Variants in LZTS1 observed in about 807,000 individuals in gnomAD.
LZTS1 encodes the protein leucine zipper putative tumor suppressor 1.
A neutral mutation model predicts 45.8 loss-of-function variants in LZTS1; 31 were observed. The observed-to-expected ratio is 0.68, with a 90% CI of 0.51 to 0.91. The LOEUF is 0.91. Ranked by LOEUF, LZTS1 falls within the 40% of genes least tolerant of loss-of-function variation. The probability of loss-of-function intolerance (pLI) is 0.00; values close to 1 mark genes in which losing one functional copy is unlikely to be tolerated. For missense variants in LZTS1, 821 were observed against 788.9 expected (o/e 1.04, Z -0.49); for synonymous variants, 359 against 357.3 (o/e 1.00, Z -0.05).
chr8:20,256,727 G>A (rs1014461045), intron 1 of LZTS1, among the ~76,000 whole-genome samples: 28 of 152,212 alleles, frequency 1.8e-4, no homozygotes, highest in South Asian at 1.5e-3. Context: ...GCCAAAGAGA[G>A]GAGTTTGGTT....
chr8:20,302,233 G>C (rs531218457), intron 1 of LZTS1, among the ~76,000 whole-genome samples: 9 of 152,232 alleles, frequency 5.9e-5, no homozygotes, highest in African/African-American at 2.2e-4. Context: ...TGAGCAGAAA[G>C]AGCCTCCAAA....
intron 1 of LZTS1, among the ~76,000 whole-genome samples, chr8:20,255,685 A>C (rs1230544860): frequency 2.0e-5 from 3 of 152,160 alleles, no homozygotes; most frequent in African/African-American, 7.2e-5. Flanking sequence ...TGCGGGGGAA[A>C]CTGGAGCAGA....
intron 1 of LZTS1, among the ~76,000 whole-genome samples, chr8:20,271,770 GCT>G (rs1800478988): frequency 6.6e-6 from 1 of 152,218 alleles, no homozygotes; most frequent in Middle Eastern, 3.2e-3. Flanking sequence ...CCAGTCCTAT[GCT>G]CTGTTAAGAA....
intron 1 of LZTS1, among the ~76,000 whole-genome samples, chr8:20,290,930 T>C (rs939581913): frequency 1.1e-4 from 17 of 152,172 alleles, no homozygotes; most frequent in Non-Finnish European, 1.9e-4. Context: ...GGGCTTGAGA[T>C]GGTATTGTGG....
intron 1 of LZTS1, among the ~76,000 whole-genome samples, chr8:20,255,661 G>A (rs927149780): frequency 1.1e-4 from 16 of 151,854 alleles, no homozygotes; most frequent in African/African-American, 3.9e-4. Context: ...TACCAGTGCT[G>A]CGGGTACCAG....
At chr8:20,300,587 C>A (rs990783092) in intron 1 of LZTS1, among the ~76,000 whole-genome samples, 1 of 152,242 alleles carries the variant, frequency 6.6e-6, no homozygotes, top group Non-Finnish European at 1.5e-5. Context: ...CTGCCTCAGC[C>A]TCCCAAAGTG....
At chr8:20,282,128 C>T (rs1016281310) in intron 1 of LZTS1, among the ~76,000 whole-genome samples, 1 of 152,178 alleles carries the variant, frequency 6.6e-6, no homozygotes, top group Non-Finnish European at 1.5e-5. Context: ...CTAGTCACCA[C>T]GAGGGTCCAC....
chr8:20,279,912 A>C (rs1172972653), intron 1 of LZTS1, among the ~76,000 whole-genome samples: 1 of 151,264 alleles, frequency 6.6e-6, no homozygotes, highest in Non-Finnish European at 1.5e-5. Context: ...ACCTGAGCCC[A>C]GGAGGTTGAG....
intron 1 of LZTS1, among the ~76,000 whole-genome samples, chr8:20,275,362 G>A (rs111519245): frequency 0.26 from 37,516 of 145,742 alleles, 5,607 homozygotes; most frequent in African/African-American, 0.41. Flanking sequence ...AGATGATCGC[G>A]CCACTGCACT....
chr8:20,254,780 A>G, intron 2 of LZTS1, 57 bp downstream of exon 2: 1 of 1,407,994 alleles, frequency 7.1e-7, no homozygotes, highest in East Asian at 2.4e-5. Flanking sequence ...CTCCACCCCC[A>G]TTTTGCTTTC....
chr8:20,253,205 C>T lies in LZTS1; in HGVS notation c.726G>A (p.Ser242=), dbSNP rs141673059. ...ACGAGGGGCCCTTGTCTGCCTTGTT[C>T]GAGTGGCCCAGCTTGCTACCTCCGT... The part of the protein sequence containing the change: ...FSDGGSKLGH[S]NKADKGPSCV... Residue 242 remains serine, a synonymous_variant, in exon 3 of 4, where the codon TCG becomes TCA. Transcript: ENST00000381569. 96 of 1,613,658 alleles carry T rather than the reference C, an allele frequency of 5.9e-5. 1 individual carries two copies. Among genetic ancestry groups the T allele is most frequent in the Middle Eastern group, 1.6e-4 (1 of 6,084 alleles).
intron 1 of LZTS1, among the ~76,000 whole-genome samples, chr8:20,297,172 T>TGA (rs1800991438): frequency 6.6e-6 from 1 of 152,174 alleles, no homozygotes; most frequent in African/African-American, 2.4e-5. Context: ...ACGTACTTGC[T>TGA]CATGGACAAG....
rs996104258 is a variant in LZTS1 at position 20,248,148 on chromosome 8, G to A, written c.*1574C>T. 2.0e-5 allele frequency: 3 copies of A among 150,708 alleles called. No individual in the cohort carries two copies. Among genetic ancestry groups the A allele is most frequent in the Non-Finnish European group, 3.0e-5 (2 of 67,738 alleles). The allele number at this position is 150,708 out of a possible 1,614,324, so 9.3% of individuals were successfully genotyped here. A position where few individuals can be genotyped will look rare whatever the true frequency, so the allele number is the denominator to read the frequency against. On this transcript the variant is annotated 3_prime_UTR_variant, in exon 4 of 4. Coordinates refer to ENST00000381569, the MANE Select transcript of LZTS1 (RefSeq NM_021020.5). The stretch of plus-strand genomic sequence containing the variant: ...AGCTTTGGCAACAAAACGAGACCCC[G>A]TCCCTACAAAAAAAATGAAAAGTTA...
At chr8:20,277,066 G>A (rs929260371) in intron 1 of LZTS1, among the ~76,000 whole-genome samples, 1 of 152,226 alleles carries the variant, frequency 6.6e-6, no homozygotes, top group Non-Finnish European at 1.5e-5. Context: ...GAGACAGGAA[G>A]TAGGCAGAAG....
At chr8:20,280,825 C>T (rs1014158257) in intron 1 of LZTS1, among the ~76,000 whole-genome samples, 1 of 152,192 alleles carries the variant, frequency 6.6e-6, no homozygotes. Flanking sequence ...TCCCTACCTT[C>T]CACCTGGACA....
intron 1 of LZTS1, among the ~76,000 whole-genome samples, chr8:20,293,025 C>T (rs7835387): frequency 0.65 from 99,182 of 151,832 alleles, 32,585 homozygotes; most frequent in Non-Finnish European, 0.68. Context: ...TAGGAACTTC[C>T]CTCTCTTTGA....
chr8:20,288,660 C>G (rs181393965), intron 1 of LZTS1, among the ~76,000 whole-genome samples: 3 of 152,202 alleles, frequency 2.0e-5, no homozygotes, highest in Admixed American at 6.5e-5. Context: ...GCAATACACA[C>G]GCACAGGCAT....
rs750790534 is a variant in LZTS1 at position 20,255,065 on chromosome 8, G to A, written c.117C>T (p.Asp39=). The A allele has an allele frequency of 1.5e-5, 25 of 1,614,228 alleles. No individual in the cohort carries two copies. Among genetic ancestry groups the A allele is most frequent in the East Asian group, 8.9e-5 (4 of 44,878 alleles). The change falls in exon 2 of 4, where the codon GAC becomes GAT. Residue 39 remains aspartate (D), a synonymous_variant. Coordinates refer to ENST00000381569, the MANE Select transcript of LZTS1 (RefSeq NM_021020.5). Reference sequence around the variant, plus strand: ...GGGAGAAGCCAAACCTCAGCAGCCCGTCGGAATACCGGTTGAGCTTCTTGA... The same window carrying A: ...GGGAGAAGCCAAACCTCAGCAGCCCATCGGAATACCGGTTGAGCTTCTTGA... ...SHLKKLNRYS[D]GLLRFGFSQD...
chr8:20,272,815 ACT>A (rs1331624034), intron 1 of LZTS1, among the ~76,000 whole-genome samples: 1 of 152,028 alleles, frequency 6.6e-6, no homozygotes, highest in Non-Finnish European at 1.5e-5. Context: ...CCATGGCGTG[ACT>A]CTCGTCAACG....
Sources: allele counts gnomAD v4.1 joint callset (sites outside exome capture counted in the v4.1 genomes callset), GRCh38; gene constraint gnomAD v4.1.1; transcripts MANE v1.5; gene names NCBI Gene and HGNC (gene_info 2026-07-23, HGNC 2026-07-21).